Variants in TMEM94 observed in about 807,000 individuals in gnomAD.
TMEM94 encodes the protein ER Mg2+ ATPase.
Under a neutral mutation model 158.6 loss-of-function variants are expected in TMEM94, and 81 were observed. That is an observed-to-expected ratio of 0.51 (90% CI 0.43 to 0.61). The LOEUF is 0.61. TMEM94 is among the 20% of genes least tolerant of loss of function. The pLI, the probability that TMEM94 is intolerant of heterozygous loss-of-function variation, is 0.00. For missense variants in TMEM94, 1,435 were observed against 1,762.0 expected, an observed-to-expected ratio of 0.81 and a Z score of 3.32; for synonymous variants, 751 against 730.7, an observed-to-expected ratio of 1.03 and a Z score of -0.45.
intron 23 of TMEM94, 94 bp downstream of exon 23, chr17:75,496,168 GC>G (rs1163897972): frequency 1.3e-6 from 2 of 1,535,758 alleles, no homozygotes; most frequent in Non-Finnish European, 1.8e-6. Flanking sequence ...GTGTACTATA[GC>G]CGACCTCGCC....
At position 75,498,900 on chromosome 17, in the gene TMEM94, C is replaced by A. The variant is rs1185134715; in HGVS notation, c.3828-12C>A. 2 of 1,535,690 alleles carry A rather than the reference C, an allele frequency of 1.3e-6. No individual in the cohort carries two copies. Among genetic ancestry groups the A allele is most frequent in the Non-Finnish European group, 8.8e-7 (1 of 1,142,244 alleles). ...CAGTGTCGGGTTCACACGGGGCCGC[C>A]ACCTCCTGCAGGCTGCTGGGTCAGG... On this transcript the variant is annotated splice_polypyrimidine_tract_variant and intron_variant, in intron 30 of 31. Coordinates refer to ENST00000314256, the MANE Select transcript of TMEM94 (RefSeq NM_014738.6). This position sits in a 1 kb window ranked among gnomAD's most constrained non-coding sequence, Gnocchi z 6.7.
intron 6 of TMEM94, among the ~76,000 whole-genome samples, chr17:75,488,529 G>T (rs1332440236): frequency 6.6e-6 from 1 of 152,126 alleles, no homozygotes; most frequent in Non-Finnish European, 1.5e-5. Flanking sequence ...TGATCCACCT[G>T]CCTTGGCCTC....
In TMEM94 at chr17:75,499,345, G is replaced by T; in HGVS notation, c.*11G>T. 1 of 1,611,998 alleles carries T rather than the reference G, an allele frequency of 6.2e-7. No homozygotes were observed. The highest frequency in any genetic ancestry group is 1.1e-5 in the South Asian group (1 of 91,072). ...AACTCTCCCTTCTGAGCCACTGGCT[G>T]TGGTGGCTGTAGTTGCCCCCGTCCC... On this transcript the variant is annotated 3_prime_UTR_variant, in exon 32 of 32. Coordinates refer to ENST00000314256, the MANE Select transcript of TMEM94 (RefSeq NM_014738.6).
chr17:75,465,679 A>ATTTTTTTTTTTTTTTTTTTTTT (rs66618031), intron 1 of TMEM94, among the ~76,000 whole-genome samples: 2 of 124,844 alleles, frequency 1.6e-5, no homozygotes, highest in African/African-American at 7.0e-5. Context: ...ATATATATAT[A>ATTTTTTTTTTTTTTTTTTTTTT]TTTTTTTTTA....
rs185211657 is a variant in TMEM94 at position 75,476,069 on chromosome 17, T to C, written c.24+4140T>C. On this transcript the variant is annotated intron_variant, in intron 2 of 31. Coordinates refer to ENST00000314256, the MANE Select transcript of TMEM94 (RefSeq NM_014738.6). ...GCAGCTGTAACTATGGAAAGGGCTG[T>C]TGGCTTGGCTCCATGCTGGGGAGTT... 2.9e-3 allele frequency among the ~76,000 whole-genome samples: 447 copies of C among 152,312 alleles called. 7 individuals are homozygous for C. The highest frequency in any genetic ancestry group is 0.011 in the African/African-American group (438 of 41,558).
chr17:75,499,206 C>T (rs987112034), intron 31 of TMEM94, 56 bp from the exon 32 acceptor site: 37 of 1,605,512 alleles, frequency 2.3e-5, no homozygotes, highest in African/African-American at 1.7e-4. Context: ...TGTCCTGCCC[C>T]GGCCCCTGGT....
rs371999804 is a variant in TMEM94 at position 75,498,362 on chromosome 17, C to T, written c.3638+39C>T. ...CCAGAGATCCACCCATCGCCTGCCT[C>T]GCCTCGAGGCTTCCTCCCTCCCCAC... On this transcript the variant is annotated intron_variant, in intron 28 of 31. Coordinates refer to ENST00000314256, the MANE Select transcript of TMEM94 (RefSeq NM_014738.6). The surrounding 1 kb of genome is among the most constrained non-coding windows in gnomAD (Gnocchi z 6.7). 2.2e-5 allele frequency: 35 copies of T among 1,612,310 alleles called. No homozygotes were observed. The highest frequency in any genetic ancestry group is 4.5e-5 in the East Asian group (2 of 44,878).
rs774208116 is a variant in TMEM94, at chr17:75,485,531, A to G, written c.128A>G (p.Lys43Arg). Residue 43 changes from lysine (K) to arginine (R), a missense_variant, in exon 3 of 32, where the codon AAG (lysine) becomes AGG (arginine). Lys to Arg is a conservative substitution (Grantham distance 26). Transcript: ENST00000314256. The surrounding 1 kb of genome is among the most constrained non-coding windows in gnomAD (Gnocchi z 5.5). ...VLEGHLRERK[K>R]CLTWKEVWRS... ...GAAGGACATCTCAGGGAGCGGAAGA[A>G]GTGTCTGACGTGGAAGGTGAAGCTT... 9 of 1,614,018 alleles carry G rather than the reference A, an allele frequency of 5.6e-6. No homozygotes were observed. Among genetic ancestry groups the G allele is most frequent in the Non-Finnish European group, 7.6e-6 (9 of 1,179,998 alleles).
At position 75,491,777 on chromosome 17, in the gene TMEM94, C is replaced by A. The variant is rs2052212694; in HGVS notation, c.1473C>A (p.Gly491=). ...SNEQERGDWP[G]EAPKPPEPYS... is the part of the protein sequence containing the mutation. ...AGCAGGAGCGTGGCGACTGGCCTGG[C>A]GAGGCTCCCAAGCCCCCCGAGCCCT... Residue 491 remains glycine, a synonymous_variant, in exon 14 of 32, where the codon GGC becomes GGA. Coordinates refer to ENST00000314256, the MANE Select transcript of TMEM94 (RefSeq NM_014738.6). The surrounding 1 kb of genome is among the most constrained non-coding windows in gnomAD (Gnocchi z 5.1). 1 of 1,614,032 alleles carries A rather than the reference C, an allele frequency of 6.2e-7. No individual in the cohort carries two copies. Among genetic ancestry groups the A allele is most frequent in the Non-Finnish European group, 8.5e-7 (1 of 1,180,030 alleles).
chr17:75,486,911 G>A (rs1206226696), intron 5 of TMEM94, among the ~76,000 whole-genome samples: 2 of 152,078 alleles, frequency 1.3e-5, no homozygotes, highest in Non-Finnish European at 2.9e-5. Flanking sequence ...TCATTCAGGC[G>A]GTGTTTATGA....
At chr17:75,461,543 G>T (rs899373163) in intron 1 of TMEM94, among the ~76,000 whole-genome samples, 5 of 152,068 alleles carry the variant, frequency 3.3e-5, no homozygotes, top group Non-Finnish European at 7.4e-5. Context: ...AATTCTTCCT[G>T]CTCCCAACCA....
In TMEM94 at chr17:75,487,815, A is replaced by G. The variant is rs1818154350; in HGVS notation, c.410-117A>G. The G allele has an allele frequency of 3.6e-6, 3 of 825,060 alleles. No homozygotes were observed. The South Asian group carries it at 4.9e-5, about 13-fold the overall frequency. The allele number at this position is 825,060 out of a possible 1,614,324, so 51.1% of individuals were successfully genotyped here. On this transcript the variant is annotated intron_variant, in intron 5 of 31. Coordinates refer to ENST00000314256, the MANE Select transcript of TMEM94 (RefSeq NM_014738.6). This position sits in a 1 kb window ranked among gnomAD's most constrained non-coding sequence, Gnocchi z 4.6. ...GTGTTGGAACGAGTGGAGGGGTTTG[A>G]CGCAGACCTCCTGGGAGAGGAAGTG...
intron 1 of TMEM94, among the ~76,000 whole-genome samples, chr17:75,465,681 T>TATATATATA (rs1491206835): frequency 6.5e-4 from 40 of 62,000 alleles, no homozygotes; most frequent in African/African-American, 2.0e-3. Context: ...ATATATATAT[T>TATATATATA]TTTTTTTAAT....
At chr17:75,468,271 CAG>C (rs1327367509) in intron 1 of TMEM94, among the ~76,000 whole-genome samples, 2 of 152,206 alleles carry the variant, frequency 1.3e-5, no homozygotes, top group Non-Finnish European at 2.9e-5. Context: ...GATGGGAAAA[CAG>C]AGACTCTTAG....
Position 75,495,473 on chromosome 17 carries a change from G to C in TMEM94, c.2845-71G>C. On this transcript the variant is annotated intron_variant, in intron 21 of 31. Coordinates refer to ENST00000314256, the MANE Select transcript of TMEM94 (RefSeq NM_014738.6). This position sits in a 1 kb window ranked among gnomAD's most constrained non-coding sequence, Gnocchi z 5.6. ...TGGTCCAGGGGAGAGGTAGAGAGGT[G>C]GTGGGCAGGCGGTGGAGGGGAGGGA... 6.3e-7 allele frequency: 1 copy of C among 1,590,922 alleles called. No individual in the cohort carries two copies. The highest frequency in any genetic ancestry group is 2.2e-5 in the East Asian group (1 of 44,744).
At position 75,485,241 on chromosome 17, in the gene TMEM94, A is replaced by G; in HGVS notation, c.25-187A>G. Among the ~76,000 whole-genome samples the G allele has an allele frequency of 6.6e-6, 1 of 152,168 alleles. No homozygotes were observed. Among genetic ancestry groups the G allele is most frequent in the East Asian group, 1.9e-4 (1 of 5,198 alleles). ...AGTAGGGTAGGAGGCTGTGCACTTGAACAGTTTGTAATTTGGTGGAGATGG... is the reference window on the plus strand; with the variant it reads ...AGTAGGGTAGGAGGCTGTGCACTTGGACAGTTTGTAATTTGGTGGAGATGG... On this transcript the variant is annotated intron_variant, in intron 2 of 31. Coordinates refer to ENST00000314256, the MANE Select transcript of TMEM94 (RefSeq NM_014738.6). The surrounding 1 kb of genome is among the most constrained non-coding windows in gnomAD (Gnocchi z 5.5).
intron 1 of TMEM94, among the ~76,000 whole-genome samples, chr17:75,466,643 C>T (rs990457423): frequency 1.3e-5 from 2 of 151,916 alleles, no homozygotes; most frequent in Non-Finnish European, 2.9e-5. Context: ...ATGGTGAAAC[C>T]CCGTCTCTAC....
intron 1 of TMEM94, among the ~76,000 whole-genome samples, chr17:75,465,679 A>ATTTTTTTTTTTTTTTTTTTT (rs66618031): frequency 8.0e-6 from 1 of 124,846 alleles, no homozygotes; most frequent in African/African-American, 3.5e-5. Flanking sequence ...ATATATATAT[A>ATTTTTTTTTTTTTTTTTTTT]TTTTTTTTTA....
chr17:75,490,864 C>T (rs543462475), intron 11 of TMEM94, 106 bp downstream of exon 11: 229 of 1,096,244 alleles, frequency 2.1e-4, no homozygotes, highest in Middle Eastern at 2.0e-3. Flanking sequence ...CTTAGAGCCC[C>T]ATGTCCACCC....
Sources: allele counts gnomAD v4.1 joint callset (sites outside exome capture counted in the v4.1 genomes callset), GRCh38; gene constraint gnomAD v4.1.1; non-coding constraint Gnocchi (gnomAD v3.1); transcripts MANE v1.5; gene names NCBI Gene and HGNC (gene_info 2026-07-23, HGNC 2026-07-21).